The following FARS2 variants were observed in gnomAD, a reference collection of about 807,000 sequenced individuals.
The protein encoded by FARS2 is phenylalanine--tRNA ligase, mitochondrial.
Under a neutral mutation model 46.4 loss-of-function variants are expected in FARS2, and 40 were observed. The ratio of observed to expected loss-of-function variants is 0.86; its 90% CI spans 0.67 to 1.12. FARS2 has a LOEUF of 1.12. FARS2 is among the 50% of genes most tolerant of loss of function. FARS2 has a pLI of 0.00. For synonymous variants in FARS2, 234 were observed against 214.9 expected, an observed-to-expected ratio of 1.09 and a Z score of -0.78; for missense variants, 513 against 567.9, an observed-to-expected ratio of 0.90 and a Z score of 0.98.
chr6:5,264,495 C>CTTT (rs776344380), intron 1 of FARS2, among the ~76,000 whole-genome samples: 2 of 139,060 alleles, frequency 1.4e-5, no homozygotes, highest in South Asian at 4.7e-4. Context: ...TTTCTTTTTT[C>CTTT]TTTTTTTTTT....
At chr6:5,722,910 A>G (rs1398427340) in intron 6 of FARS2, among the ~76,000 whole-genome samples, 2 of 152,256 alleles carry the variant, frequency 1.3e-5, no homozygotes, top group Non-Finnish European at 2.9e-5. Flanking sequence ...AAAAGATTAC[A>G]TACAGCATGG....
rs560748446 is a variant in FARS2, at chr6:5,690,603, C to T, written c.1217+77283C>T. The stretch of plus-strand genomic sequence containing the variant: ...GATGGGCTTCCCTTTGTGGGTAACC[C>T]GACCTTTCTCTCTGGCTGCCCTTAA... On this transcript the variant is annotated intron_variant, in intron 6 of 6. Coordinates refer to ENST00000274680, the MANE Select transcript of FARS2 (RefSeq NM_006567.5). Among the ~76,000 whole-genome samples, 6 of 151,464 alleles carry T rather than the reference C, an allele frequency of 4.0e-5. No individual in the cohort carries two copies. In the South Asian group the frequency reaches 8.4e-4, roughly 21 times the overall value.
intron 5 of FARS2, among the ~76,000 whole-genome samples, chr6:5,610,868 A>T (rs541846430): frequency 6.6e-6 from 1 of 152,214 alleles, no homozygotes; most frequent in Non-Finnish European, 1.5e-5. Flanking sequence ...CCCTAGGACA[A>T]TCCAGGGATG....
intron 5 of FARS2, among the ~76,000 whole-genome samples, chr6:5,569,807 G>A (rs1321645615): frequency 6.6e-6 from 1 of 152,160 alleles, no homozygotes; most frequent in African/African-American, 2.4e-5. Context: ...TGCTGAGCAA[G>A]CACTGGCATG....
At chr6:5,624,200 C>T (rs534575347) in intron 6 of FARS2, among the ~76,000 whole-genome samples, 4 of 152,124 alleles carry the variant, frequency 2.6e-5, no homozygotes, top group East Asian at 3.9e-4. Flanking sequence ...TATCTGTTTT[C>T]CCCTTCTTCC....
chr6:5,749,193 G>A (rs1307652215), intron 6 of FARS2, among the ~76,000 whole-genome samples: 1 of 152,238 alleles, frequency 6.6e-6, no homozygotes, highest in African/African-American at 2.4e-5. Context: ...GGGAGTGGGA[G>A]CAGCCTGTGA....
chr6:5,521,885 C>T (rs778292979), intron 4 of FARS2, among the ~76,000 whole-genome samples: 9 of 152,134 alleles, frequency 5.9e-5, no homozygotes, highest in Admixed American at 3.9e-4. Flanking sequence ...TGCAAAGCTC[C>T]TCCTCTAGAG....
intron 4 of FARS2, among the ~76,000 whole-genome samples, chr6:5,519,486 A>G (rs2150421682): frequency 6.6e-6 from 1 of 152,224 alleles, no homozygotes; most frequent in South Asian, 2.1e-4. Context: ...TTTTTGTGAT[A>G]GGAGGGTTTT....
At chr6:5,448,429 TTTTC>T (rs1278510593) in intron 4 of FARS2, among the ~76,000 whole-genome samples, 3 of 151,960 alleles carry the variant, frequency 2.0e-5, no homozygotes, top group South Asian at 2.1e-4. Context: ...TATGTATTCT[TTTTC>T]TTTCTTCTTA....
chr6:5,313,532 T>C (rs1216145523), intron 1 of FARS2, among the ~76,000 whole-genome samples: 2 of 152,340 alleles, frequency 1.3e-5, no homozygotes, highest in Non-Finnish European at 2.9e-5. Context: ...TAACTTCATA[T>C]GGATTTCTCC....
chr6:5,705,639 C>T (rs1024235930), intron 6 of FARS2, among the ~76,000 whole-genome samples: 2 of 152,214 alleles, frequency 1.3e-5, no homozygotes, highest in African/African-American at 4.8e-5. Flanking sequence ...GCCTGTGGCT[C>T]ACTGCCCTTT....
At chr6:5,435,111 C>G (rs766868197) in intron 4 of FARS2, among the ~76,000 whole-genome samples, 5 of 152,198 alleles carry the variant, frequency 3.3e-5, no homozygotes, top group African/African-American at 4.8e-5. Flanking sequence ...GCTAGTGAAA[C>G]TTGCCAAGTC....
At chr6:5,687,812 T>C (rs1027104104) in intron 6 of FARS2, among the ~76,000 whole-genome samples, 9 of 152,252 alleles carry the variant, frequency 5.9e-5, no homozygotes, top group Non-Finnish European at 1.0e-4. Context: ...TTTCATGATA[T>C]TGATTCTTCC....
intron 4 of FARS2, among the ~76,000 whole-genome samples, chr6:5,532,853 G>A (rs942468501): frequency 1.3e-5 from 2 of 152,044 alleles, no homozygotes; most frequent in Admixed American, 1.3e-4. Flanking sequence ...TGTAGCAGTT[G>A]TTTTGGAAAC....
intron 6 of FARS2, among the ~76,000 whole-genome samples, chr6:5,751,437 G>A (rs1331732521): frequency 1.3e-5 from 2 of 152,244 alleles, no homozygotes; most frequent in Non-Finnish European, 2.9e-5. Context: ...AGGAGCCATT[G>A]TGTGAACTGC....
At chr6:5,452,014 TCTAA>T (rs1481973857) in intron 4 of FARS2, 20 of 152,278 alleles carry the variant, frequency 1.3e-4, no homozygotes, top group Admixed American at 4.6e-4. Context: ...TCCACAAGAG[TCTAA>T]CCTCCTTGAA....
intron 6 of FARS2, among the ~76,000 whole-genome samples, chr6:5,659,771 A>G (rs995297254): frequency 1.2e-4 from 19 of 152,260 alleles, no homozygotes; most frequent in African/African-American, 4.6e-4. Context: ...ATAAAGAACA[A>G]GGTACAAACA....
At chr6:5,511,614 TCCTAAGCCAGGTAATG>T (rs1429444641) in intron 4 of FARS2, among the ~76,000 whole-genome samples, 2 of 152,238 alleles carry the variant, frequency 1.3e-5, no homozygotes, top group South Asian at 2.1e-4. Flanking sequence ...GAGTCTCATT[TCCTAAGCCAGGTAATG>T]CCTAAGCCAG....
chr6:5,759,008 C>T (rs1377550587), intron 6 of FARS2, among the ~76,000 whole-genome samples: 1 of 152,052 alleles, frequency 6.6e-6, no homozygotes, highest in Non-Finnish European at 1.5e-5. Flanking sequence ...GCCAGGAGGC[C>T]CTGAGATGGT....
Sources: gnomAD v4.1 joint callset for allele counts (sites outside exome capture counted in the v4.1 genomes callset) on GRCh38, gnomAD v4.1.1 for gene constraint, MANE v1.5 for transcripts, NCBI Gene and HGNC (gene_info 2026-07-23, HGNC 2026-07-21) for gene names.